Variants in BTRC observed in about 807,000 individuals in gnomAD.
The protein encoded by BTRC is beta-transducin repeat containing E3 ubiquitin protein ligase.
Under a neutral mutation model 85.5 loss-of-function variants are expected in BTRC, and 42 were observed. The observed-to-expected ratio is 0.49, with a 90% CI of 0.38 to 0.64. The LOEUF (loss-of-function observed/expected upper bound fraction) is 0.64. BTRC is among the 30% of genes least tolerant of loss of function. The probability of loss-of-function intolerance (pLI) is 0.00; values close to 1 mark genes in which losing one functional copy is unlikely to be tolerated. For synonymous variants in BTRC, 255 were observed against 263.3 expected (o/e 0.97, Z 0.30); for missense variants, 594 against 743.5 (o/e 0.80, Z 2.34).
intron 1 of BTRC, among the ~76,000 whole-genome samples, chr10:101,371,883 G>A (rs66775315): frequency 0.14 from 20,904 of 151,828 alleles, 1,781 homozygotes; most frequent in Middle Eastern, 0.24. Flanking sequence ...ATGTAACAAG[G>A]TTTGAGGGAG....
intron 1 of BTRC, among the ~76,000 whole-genome samples, chr10:101,391,781 A>G (rs1426338164): frequency 1.3e-5 from 2 of 152,260 alleles, no homozygotes; most frequent in East Asian, 1.9e-4. Context: ...ATTAAGGCAC[A>G]ATATATACAC....
At chr10:101,387,527 A>ATTTTTTTTTTTTTTTTTTTT (rs1564741908) in intron 1 of BTRC, among the ~76,000 whole-genome samples, 1 of 17,006 alleles carries the variant, frequency 5.9e-5, no homozygotes, top group African/African-American at 4.9e-4. Flanking sequence ...CCTTCATGGG[A>ATTTTTTTTTTTTTTTTTTTT]CTTTTTTTTT....
At chr10:101,382,001 GA>G (rs1942945371) in intron 1 of BTRC, among the ~76,000 whole-genome samples, 1 of 38,720 alleles carries the variant, frequency 2.6e-5, no homozygotes, top group Admixed American at 3.8e-4. Context: ...TTTTTTTTTT[GA>G]GATGGCGTCT....
At chr10:101,527,751 CTCTT>C (rs1431454315) in intron 6 of BTRC, among the ~76,000 whole-genome samples, 1 of 129,686 alleles carries the variant, frequency 7.7e-6, no homozygotes, top group African/African-American at 3.3e-5. Context: ...AAGACCCTGT[CTCTT>C]TCTCTGTCTC....
At chr10:101,390,765 AAAAGAAAGAAAG>A (rs370701476) in intron 1 of BTRC, among the ~76,000 whole-genome samples, 1 of 115,074 alleles carries the variant, frequency 8.7e-6, no homozygotes, top group African/African-American at 3.2e-5. Context: ...TTTGTCTTAA[AAAAGAAAGAAAG>A]AAAGAAAGAA....
rs1188561028 is a variant in BTRC, at chr10:101,389,119, G to GT, written c.48+34920dup. Among the ~76,000 whole-genome samples the GT allele has an allele frequency of 1.9e-3, 79 of 41,542 alleles. 4 individuals are homozygous for GT. The highest frequency in any genetic ancestry group is 3.9e-3 in the South Asian group (5 of 1,272). The allele number at this position is 41,542 out of a possible 152,430, so 27.3% of individuals were successfully genotyped here. A position where few individuals can be genotyped will look rare whatever the true frequency, so the allele number is the denominator to read the frequency against. On this transcript the variant is annotated intron_variant, in intron 1 of 14. Transcript: ENST00000370187. ...TGCATAATTGTGATTTTTTGTGTGT[G>GT]TTTTTTTTTTTTTTTTTTTTTTTTT...
At chr10:101,502,919 C>A (rs1946431725) in intron 4 of BTRC, among the ~76,000 whole-genome samples, 1 of 152,082 alleles carries the variant, frequency 6.6e-6, no homozygotes, top group South Asian at 2.1e-4. Context: ...ATGTAGATTA[C>A]AATCCTTTTT....
At position 101,475,922 on chromosome 10, in the gene BTRC, C is replaced by CATATATATATATATATATATAT. The variant is rs71016324; in HGVS notation, c.235-3435_235-3414dup. The stretch of plus-strand genomic sequence containing the variant: ...TTTGCATAGTCTCCAAGTATTTTGC[C>CATATATATATATATATATATAT]ATATATATATATATATATATATATA... On this transcript the variant is annotated intron_variant, in intron 3 of 14. Transcript: ENST00000370187. Among the ~76,000 whole-genome samples the CATATATATATATATATATATAT allele has an allele frequency of 3.8e-3, 259 of 67,514 alleles. 17 individuals are homozygous for CATATATATATATATATATATAT. The highest frequency in any genetic ancestry group is 5.5e-3 in the Non-Finnish European group (183 of 33,178). The allele number at this position is 67,514 out of a possible 152,430, so 44.3% of individuals were successfully genotyped here. A position where few individuals can be genotyped will look rare whatever the true frequency, so the allele number is the denominator to read the frequency against.
chr10:101,544,940 A>G (rs2062535886), intron 13 of BTRC, among the ~76,000 whole-genome samples: 1 of 151,758 alleles, frequency 6.6e-6, no homozygotes, highest in Non-Finnish European at 1.5e-5. Context: ...CAGTGCAACA[A>G]CTTTTGGGTG....
intron 2 of BTRC, among the ~76,000 whole-genome samples, chr10:101,449,837 A>G (rs1944915405): frequency 6.6e-6 from 1 of 151,844 alleles, no homozygotes; most frequent in Non-Finnish European, 1.5e-5. Context: ...TTTCCCTGAA[A>G]GAATGGTTGT....
chr10:101,440,162 A>G (rs1173070868), intron 2 of BTRC, among the ~76,000 whole-genome samples: 2 of 152,220 alleles, frequency 1.3e-5, no homozygotes, highest in African/African-American at 4.8e-5. Context: ...AAACCACCAT[A>G]TATTTCTTGG....
chr10:101,449,997 T>TAA (rs58259295), intron 2 of BTRC, among the ~76,000 whole-genome samples: 136 of 143,652 alleles, frequency 9.5e-4, no homozygotes, highest in Middle Eastern at 7.3e-3. Flanking sequence ...GATAAAAATG[T>TAA]AAAAAAAAAA....
intron 4 of BTRC, among the ~76,000 whole-genome samples, chr10:101,490,741 G>A (rs1946108721): frequency 6.6e-6 from 1 of 152,156 alleles, no homozygotes; most frequent in South Asian, 2.1e-4. Flanking sequence ...TGAACTGAGA[G>A]AAGTAGTGTA....
chr10:101,448,487 G>A (rs140971602), intron 2 of BTRC, among the ~76,000 whole-genome samples: 1 of 152,148 alleles, frequency 6.6e-6, no homozygotes, highest in Non-Finnish European at 1.5e-5. Flanking sequence ...TTGAAGACAT[G>A]AATTGGTGTG....
chr10:101,532,776 G>A lies in BTRC; in HGVS notation c.979-176G>A, dbSNP rs112651650. Among the ~76,000 whole-genome samples the A allele has an allele frequency of 3.6e-3, 265 of 72,986 alleles. 3 individuals carry two copies. Among genetic ancestry groups the A allele is most frequent in the African/African-American group, 0.02 (210 of 10,252 alleles). The allele number at this position is 72,986 out of a possible 152,430, so 47.9% of individuals were successfully genotyped here. On this transcript the variant is annotated intron_variant, in intron 8 of 14. Coordinates refer to ENST00000370187, the MANE Select transcript of BTRC (RefSeq NM_033637.4). Reference sequence around the variant, plus strand: ...TGTGTGTGTGTGTGTGTGTGTGTGTGTGTGTGTGTGTGTGCGCGTGTGCGC... The same window carrying A: ...TGTGTGTGTGTGTGTGTGTGTGTGTATGTGTGTGTGTGTGCGCGTGTGCGC...
chr10:101,366,619 C>T (rs1005447384), intron 1 of BTRC, among the ~76,000 whole-genome samples: 2 of 149,342 alleles, frequency 1.3e-5, no homozygotes, highest in Non-Finnish European at 3.0e-5. Context: ...TGGGCAATTC[C>T]AAGAATAGGA....
chr10:101,448,925 G>T (rs1466637014), intron 2 of BTRC, among the ~76,000 whole-genome samples: 1 of 151,818 alleles, frequency 6.6e-6, no homozygotes, highest in Non-Finnish European at 1.5e-5. Context: ...TAAGTGAGAG[G>T]AATGGTATTT....
intron 6 of BTRC, among the ~76,000 whole-genome samples, chr10:101,529,130 C>A (rs961459626): frequency 1.3e-5 from 2 of 152,200 alleles, no homozygotes; most frequent in African/African-American, 4.8e-5. Context: ...TACTCACATT[C>A]TTGTAGGTAC....
chr10:101,468,707 C>T (rs1002405590), intron 3 of BTRC, among the ~76,000 whole-genome samples: 1 of 152,152 alleles, frequency 6.6e-6, no homozygotes, highest in African/African-American at 2.4e-5. Flanking sequence ...TCTTGTTATG[C>T]TATAGGGCTG....
Sources: gnomAD v4.1 joint callset for allele counts (sites outside exome capture counted in the v4.1 genomes callset) on GRCh38, gnomAD v4.1.1 for gene constraint, MANE v1.5 for transcripts, NCBI Gene and HGNC (gene_info 2026-07-23, HGNC 2026-07-21) for gene names.